GPM6A: variants seen among roughly 807,000 people sequenced by gnomAD.
GPM6A encodes the protein glycoprotein M6A, also known as neuronal membrane glycoprotein M6-a.
Under a neutral mutation model 32.1 loss-of-function variants are expected in GPM6A, and 7 were observed. That is an observed-to-expected ratio of 0.22 (90% CI 0.12 to 0.41). The LOEUF (loss-of-function observed/expected upper bound fraction) is 0.41. Among genes scored for constraint, GPM6A ranks in the 10% least tolerant of loss-of-function variants. The pLI is 1.00. For synonymous variants in GPM6A, 130 were observed against 123.4 expected, an observed-to-expected ratio of 1.05 and a Z score of -0.35; for missense variants, 235 against 347.2, an observed-to-expected ratio of 0.68 and a Z score of 2.57.
At chr4:175,806,627 C>A (rs1734706645) in intron 1 of GPM6A, among the ~76,000 whole-genome samples, 1 of 152,064 alleles carries the variant, frequency 6.6e-6, no homozygotes, top group Non-Finnish European at 1.5e-5. Flanking sequence ...ACATAATAAC[C>A]ACAACAATGC....
chr4:175,959,023 T>C (rs1383796359), intron 1 of GPM6A, among the ~76,000 whole-genome samples: 2 of 152,130 alleles, frequency 1.3e-5, no homozygotes, highest in Non-Finnish European at 2.9e-5. Flanking sequence ...CAGTTTCCAC[T>C]GAATCTGTCA....
chr4:175,997,167 G>C (rs923461452), intron 1 of GPM6A, among the ~76,000 whole-genome samples: 1 of 152,152 alleles, frequency 6.6e-6, no homozygotes, highest in African/African-American at 2.4e-5. Context: ...TCCAAGGCAG[G>C]AGACTTCAAA....
intron 1 of GPM6A, among the ~76,000 whole-genome samples, chr4:175,796,253 A>G (rs1734222924): frequency 6.6e-6 from 1 of 152,196 alleles, no homozygotes; most frequent in African/African-American, 2.4e-5. Context: ...TATTTATGTT[A>G]CATATAATCA....
At chr4:175,706,252 T>C (rs368725835) in intron 1 of GPM6A, among the ~76,000 whole-genome samples, 2 of 152,272 alleles carry the variant, frequency 1.3e-5, no homozygotes, top group African/African-American at 4.8e-5. Flanking sequence ...TGTGAAGATA[T>C]GTTATCTTTA....
chr4:175,641,002 T>C (rs1741110287), intron 4 of GPM6A, 173 bp from the exon 5 acceptor site: 1 of 589,852 alleles, frequency 1.7e-6, no homozygotes, highest in East Asian at 2.8e-5. Flanking sequence ...CATAGAATTA[T>C]GAATATAATA....
intron 1 of GPM6A, among the ~76,000 whole-genome samples, chr4:175,835,991 T>C (rs1478320598): frequency 6.6e-6 from 1 of 152,032 alleles, no homozygotes; most frequent in Admixed American, 6.6e-5. Context: ...TGACATTCCA[T>C]TGGCTAGATC....
At chr4:175,877,703 G>C (rs1246198066) in intron 1 of GPM6A, among the ~76,000 whole-genome samples, 3 of 152,114 alleles carry the variant, frequency 2.0e-5, no homozygotes, top group Non-Finnish European at 4.4e-5. Context: ...TGAGATTTGG[G>C]TGGGGACACA....
intron 1 of GPM6A, among the ~76,000 whole-genome samples, chr4:175,988,611 G>C (rs1741047929): frequency 6.6e-6 from 1 of 152,152 alleles, no homozygotes; most frequent in African/African-American, 2.4e-5. Flanking sequence ...GGCTATTTCA[G>C]TCCTTAGCTT....
chr4:175,974,288 G>A (rs1257681984), intron 1 of GPM6A, among the ~76,000 whole-genome samples: 1 of 152,082 alleles, frequency 6.6e-6, no homozygotes, highest in Non-Finnish European at 1.5e-5. Context: ...TAGATCCTTT[G>A]TTCTGTTTTG....
At chr4:175,700,190 G>A (rs944386980) in intron 2 of GPM6A, among the ~76,000 whole-genome samples, 1 of 151,724 alleles carries the variant, frequency 6.6e-6, no homozygotes, top group Non-Finnish European at 1.5e-5. Context: ...TTCATTTTCA[G>A]GGGAAATTAG....
intron 1 of GPM6A, among the ~76,000 whole-genome samples, chr4:175,994,521 T>C (rs1051568295): frequency 1.3e-5 from 2 of 152,302 alleles, no homozygotes; most frequent in South Asian, 2.1e-4. Context: ...AATAGCATTA[T>C]GTCTAAAAAA....
At chr4:175,875,599 C>G (rs550003761) in intron 1 of GPM6A, among the ~76,000 whole-genome samples, 4 of 152,244 alleles carry the variant, frequency 2.6e-5, no homozygotes, top group African/African-American at 9.6e-5. Flanking sequence ...AACTATGATA[C>G]TTTCCAAAAG....
At chr4:175,638,521 CATAATAT>C (rs754860597) in intron 6 of GPM6A, among the ~76,000 whole-genome samples, 4 of 152,018 alleles carry the variant, frequency 2.6e-5, no homozygotes, top group Non-Finnish European at 5.9e-5. Context: ...TTAAGAAATA[CATAATAT>C]ATAAATTTCT....
At chr4:175,675,297 C>T (rs979911185) in intron 2 of GPM6A, among the ~76,000 whole-genome samples, 3 of 150,912 alleles carry the variant, frequency 2.0e-5, no homozygotes, top group African/African-American at 2.4e-5. Context: ...TTATATTCAA[C>T]GTAGTAAGAG....
intron 1 of GPM6A, among the ~76,000 whole-genome samples, chr4:175,753,895 C>G (rs1732432383): frequency 6.6e-6 from 1 of 152,226 alleles, no homozygotes; most frequent in Admixed American, 6.6e-5. Context: ...GCTCCATCAT[C>G]TACTGTTCCC....
chr4:175,963,422 G>A (rs1265686940), intron 1 of GPM6A, among the ~76,000 whole-genome samples: 3 of 151,918 alleles, frequency 2.0e-5, no homozygotes, highest in African/African-American at 7.3e-5. Context: ...GTGGAGAGTG[G>A]GTGAGCCTAC....
intron 1 of GPM6A, among the ~76,000 whole-genome samples, chr4:176,000,488 G>A (rs1741443818): frequency 6.6e-6 from 1 of 152,168 alleles, no homozygotes; most frequent in Admixed American, 6.5e-5. Context: ...TAAGGAAATG[G>A]AAATTAAAAA....
chr4:175,703,818 C>A (rs1029945337), intron 1 of GPM6A, among the ~76,000 whole-genome samples: 13 of 152,242 alleles, frequency 8.5e-5, no homozygotes, highest in African/African-American at 3.1e-4. Flanking sequence ...GCAAGGATGA[C>A]CTAGGTTCCA....
intron 1 of GPM6A, among the ~76,000 whole-genome samples, chr4:175,785,856 C>G (rs1733777516): frequency 6.6e-6 from 1 of 152,132 alleles, no homozygotes; most frequent in Admixed American, 6.6e-5. Flanking sequence ...ATCACCATGG[C>G]TGGGCAAGGC....
Sources: gnomAD v4.1 joint callset for allele counts (sites outside exome capture counted in the v4.1 genomes callset) on GRCh38, gnomAD v4.1.1 for gene constraint, MANE v1.5 for transcripts, NCBI Gene and HGNC (gene_info 2026-07-23, HGNC 2026-07-21) for gene names.